WWOX: variants seen among roughly 807,000 people sequenced by gnomAD.
WWOX encodes WW domain-containing oxidoreductase.
A neutral mutation model predicts 46.2 loss-of-function variants in WWOX; 69 were observed. The ratio of observed to expected loss-of-function variants is 1.49; its 90% CI spans 1.23 to 1.82. The LOEUF is 1.82. WWOX is among the 40% of genes most tolerant of loss of function. The pLI, the probability that WWOX is intolerant of heterozygous loss-of-function variation, is 0.00. For missense variants in WWOX, 919 were observed against 542.6 expected (o/e 1.69, Z -6.89); for synonymous variants, 359 against 202.6 (o/e 1.77, Z -6.56).
chr16:79,154,503 C>CA (rs67379862), intron 8 of WWOX, among the ~76,000 whole-genome samples: 5,664 of 88,034 alleles, frequency 0.064, 129 homozygotes, highest in Non-Finnish European at 0.096. Flanking sequence ...TCCTCTTTTG[C>CA]AAAAAAAAAA....
intron 8 of WWOX, among the ~76,000 whole-genome samples, chr16:78,680,020 C>T (rs2047692799): frequency 6.6e-6 from 1 of 152,198 alleles, no homozygotes; most frequent in Non-Finnish European, 1.5e-5. Context: ...CCTATCGGTT[C>T]TTTATTTTAC....
intron 8 of WWOX, among the ~76,000 whole-genome samples, chr16:79,157,125 C>T (rs770370518): frequency 2.6e-5 from 4 of 152,072 alleles, no homozygotes; most frequent in Non-Finnish European, 4.4e-5. Flanking sequence ...AGAAATATTC[C>T]TGATGATACA....
chr16:78,158,067 C>T (rs1051053511), intron 4 of WWOX, among the ~76,000 whole-genome samples: 2 of 152,202 alleles, frequency 1.3e-5, no homozygotes, highest in Non-Finnish European at 2.9e-5. Context: ...GAACTGGCAG[C>T]AACACAAGTG....
At chr16:78,525,082 C>G (rs1459732725) in intron 8 of WWOX, 1 of 151,426 alleles carries the variant, frequency 6.6e-6, no homozygotes, top group South Asian at 2.1e-4. Flanking sequence ...CCCAAACTGG[C>G]CTCAAATTCC....
chr16:78,217,884 A>C (rs2036773832), intron 5 of WWOX, among the ~76,000 whole-genome samples: 1 of 152,178 alleles, frequency 6.6e-6, no homozygotes, highest in African/African-American at 2.4e-5. Flanking sequence ...TGACCCTCAA[A>C]GATCCTTCCA....
rs138373321 is a variant in WWOX, at chr16:78,577,157, A to G, written c.1056+144405A>G. ...TCATAGGGTTGGGCTGAAACTTAAC[A>G]CATCCCATCACTTTGATTGGCTAAA... On this transcript the variant is annotated intron_variant, in intron 8 of 8. Transcript: ENST00000566780. Among the ~76,000 whole-genome samples, 84 of 152,312 alleles carry G rather than the reference A, an allele frequency of 5.5e-4. No homozygotes were observed. The South Asian group carries it at 0.012, about 22-fold the overall frequency.
intron 8 of WWOX, among the ~76,000 whole-genome samples, chr16:78,688,928 C>A (rs2047924097): frequency 6.6e-6 from 1 of 152,126 alleles, no homozygotes; most frequent in Non-Finnish European, 1.5e-5. Flanking sequence ...TCCTCCTTTG[C>A]TTGGCACCTC....
chr16:78,522,568 A>G (rs1443670881), intron 8 of WWOX, among the ~76,000 whole-genome samples: 1 of 152,236 alleles, frequency 6.6e-6, no homozygotes, highest in Non-Finnish European at 1.5e-5. Context: ...ATTAGAAGAC[A>G]TCTACACTGG....
chr16:78,902,174 C>A (rs559481480), intron 8 of WWOX, among the ~76,000 whole-genome samples: 1 of 152,180 alleles, frequency 6.6e-6, no homozygotes, highest in African/African-American at 2.4e-5. Flanking sequence ...AATCGGGCAG[C>A]CTGCAGCTGA....
chr16:78,155,049 G>C (rs962563677), intron 4 of WWOX, among the ~76,000 whole-genome samples: 1 of 152,182 alleles, frequency 6.6e-6, no homozygotes, highest in Non-Finnish European at 1.5e-5. Flanking sequence ...CTGTCACCAC[G>C]TGGGATTGGG....
chr16:78,716,117 C>T (rs2048554657), intron 8 of WWOX, among the ~76,000 whole-genome samples: 2 of 151,908 alleles, frequency 1.3e-5, no homozygotes, highest in South Asian at 2.1e-4. Context: ...TAAGATAGGC[C>T]CTAATCCAAT....
chr16:78,644,169 C>G (rs1180222904), intron 8 of WWOX, among the ~76,000 whole-genome samples: 4 of 152,070 alleles, frequency 2.6e-5, no homozygotes, highest in Non-Finnish European at 5.9e-5. Flanking sequence ...TTGTGGTGAG[C>G]TGAGATCACG....
chr16:78,784,974 G>A (rs925970521), intron 8 of WWOX, among the ~76,000 whole-genome samples: 2 of 152,162 alleles, frequency 1.3e-5, no homozygotes, highest in Admixed American at 1.3e-4. Context: ...GGTCCCGTGG[G>A]CAGGAGCAGC....
At chr16:78,485,701 A>G (rs1488281287) in intron 8 of WWOX, among the ~76,000 whole-genome samples, 2 of 152,130 alleles carry the variant, frequency 1.3e-5, no homozygotes, top group African/African-American at 4.8e-5. Flanking sequence ...TTGGGGCAGC[A>G]CCTTTGCTTG....
chr16:78,860,748 C>T (rs1434819109), intron 8 of WWOX, among the ~76,000 whole-genome samples: 6 of 152,166 alleles, frequency 3.9e-5, no homozygotes, highest in Admixed American at 3.3e-4. Context: ...TGTGGATGTT[C>T]TTGAGTATGT....
At chr16:79,066,870 A>T (rs1424274715) in intron 8 of WWOX, among the ~76,000 whole-genome samples, 1 of 152,168 alleles carries the variant, frequency 6.6e-6, no homozygotes, top group East Asian at 1.9e-4. Flanking sequence ...CCTCGATTTC[A>T]TTCCAGACTA....
At chr16:78,604,561 G>A (rs1256333722) in intron 8 of WWOX, among the ~76,000 whole-genome samples, 2 of 152,024 alleles carry the variant, frequency 1.3e-5, no homozygotes, top group East Asian at 3.9e-4. Context: ...GAGCTACGTT[G>A]TATCAATTTT....
intron 6 of WWOX, among the ~76,000 whole-genome samples, chr16:78,415,440 G>C (rs757066187): frequency 5.3e-5 from 8 of 152,022 alleles, no homozygotes; most frequent in Admixed American, 2.6e-4. Context: ...GACCTCCTAT[G>C]TTATCCTGTA....
intron 5 of WWOX, among the ~76,000 whole-genome samples, chr16:78,284,207 C>G (rs79697483): frequency 6.6e-6 from 1 of 152,144 alleles, no homozygotes; most frequent in African/African-American, 2.4e-5. Flanking sequence ...TCCTCTTCTT[C>G]GGGAGCCAAG....
Sources: allele counts gnomAD v4.1 joint callset (sites outside exome capture counted in the v4.1 genomes callset), GRCh38; gene constraint gnomAD v4.1.1; transcripts MANE v1.5; gene names NCBI Gene and HGNC (gene_info 2026-07-23, HGNC 2026-07-21).